HMBOX1: variants seen among roughly 807,000 people sequenced by gnomAD.
The protein encoded by HMBOX1 is homeobox-containing protein 1.
In HMBOX1, 14 loss-of-function variants were observed where a neutral mutation model predicts 54.5. The ratio of observed to expected loss-of-function variants is 0.26; its 90% CI spans 0.17 to 0.40. HMBOX1 has a LOEUF of 0.40. Ranked by LOEUF, HMBOX1 falls within the 10% of genes least tolerant of loss-of-function variation. HMBOX1 has a pLI of 1.00. For missense variants in HMBOX1, 332 were observed against 514.4 expected, an observed-to-expected ratio of 0.65 and a Z score of 3.43; for synonymous variants, 160 against 181.0, an observed-to-expected ratio of 0.88 and a Z score of 0.93.
intron 4 of HMBOX1, among the ~76,000 whole-genome samples, chr8:28,993,692 T>C (rs1242206845): frequency 1.3e-5 from 2 of 152,164 alleles, no homozygotes; most frequent in African/African-American, 4.8e-5. Context: ...AAAACAAATA[T>C]TATGTCACAG....
intron 7 of HMBOX1, among the ~76,000 whole-genome samples, chr8:29,045,850 G>C (rs901772467): frequency 6.6e-6 from 1 of 152,110 alleles, no homozygotes; most frequent in Admixed American, 6.6e-5. Context: ...ATTGTAAAAT[G>C]CTATATTTCT....
chr8:29,000,064 A>G (rs188145430), intron 4 of HMBOX1, among the ~76,000 whole-genome samples: 1 of 152,254 alleles, frequency 6.6e-6, no homozygotes, highest in East Asian at 1.9e-4. Flanking sequence ...ATGTTTGTTT[A>G]ATGAATTTCC....
At chr8:28,959,811 C>T (rs1210944972) in intron 1 of HMBOX1, among the ~76,000 whole-genome samples, 1 of 151,980 alleles carries the variant, frequency 6.6e-6, no homozygotes, top group South Asian at 2.1e-4. Context: ...TTCTTAATTA[C>T]CTTTATTTTA....
At chr8:29,031,346 C>A (rs1048050919) in intron 6 of HMBOX1, among the ~76,000 whole-genome samples, 1 of 151,900 alleles carries the variant, frequency 6.6e-6, no homozygotes, top group African/African-American at 2.4e-5. Context: ...AGTAGAATAT[C>A]ATTGTAAGAT....
intron 3 of HMBOX1, among the ~76,000 whole-genome samples, chr8:28,977,187 T>C (rs1442085782): frequency 6.6e-6 from 1 of 152,140 alleles, no homozygotes; most frequent in Non-Finnish European, 1.5e-5. Flanking sequence ...AATAATTGAG[T>C]GTTATCTCTT....
At chr8:29,047,565 T>TC in intron 8 of HMBOX1, 112 bp downstream of exon 8, 2 of 84,562 alleles carry the variant, frequency 2.4e-5, no homozygotes, top group East Asian at 1.8e-4. Flanking sequence ...CTAACTTCTC[T>TC]TTTTTTTTTT....
At chr8:28,994,098 T>C (rs1831406007) in intron 4 of HMBOX1, among the ~76,000 whole-genome samples, 1 of 144,366 alleles carries the variant, frequency 6.9e-6, no homozygotes, top group African/African-American at 2.6e-5. Context: ...ACTCAGGAGG[T>C]GGAGGCTGCA....
At position 29,051,451 on chromosome 8, in the gene HMBOX1, A is replaced by G. The variant is rs1198761108; in HGVS notation, c.*296A>G. 4 of 687,384 alleles carry G rather than the reference A, an allele frequency of 5.8e-6. No individual in the cohort carries two copies. Among genetic ancestry groups the G allele is most frequent in the Admixed American group, 2.0e-5 (1 of 49,624 alleles). 42.6% of individuals were successfully genotyped at this position (687,384 alleles called of 1,614,324 possible). ...GCATTCCAAGAAAGTGCTTCCAGGT[A>G]TTTAGATAGCCCTCAGTTCTCAAAT... On this transcript the variant is annotated 3_prime_UTR_variant, in exon 10 of 10. Coordinates refer to ENST00000287701, the MANE Select transcript of HMBOX1 (RefSeq NM_001135726.3).
At chr8:28,913,159 G>T (rs762513525) in intron 1 of HMBOX1, among the ~76,000 whole-genome samples, 3 of 152,080 alleles carry the variant, frequency 2.0e-5, no homozygotes, top group Non-Finnish European at 4.4e-5. Context: ...CCTAGTGCTG[G>T]TCTTGCCCTC....
At chr8:28,906,793 A>G (rs1170523692) in intron 1 of HMBOX1, among the ~76,000 whole-genome samples, 8 of 152,130 alleles carry the variant, frequency 5.3e-5, no homozygotes, top group African/African-American at 1.7e-4. Context: ...GTTTCACCAT[A>G]TTGAACCAGG....
intron 6 of HMBOX1, among the ~76,000 whole-genome samples, chr8:29,030,184 T>G (rs548059178): frequency 2.6e-5 from 4 of 151,866 alleles, no homozygotes; most frequent in Admixed American, 6.6e-5. Flanking sequence ...TTCCAGTTTT[T>G]TTTTTTTTTT....
Position 29,018,922 on chromosome 8 carries a change from C to T in HMBOX1, c.851+9C>T, listed in dbSNP as rs1193562968. 1.2e-6 allele frequency: 2 copies of T among 1,613,386 alleles called. No homozygotes were observed. Among genetic ancestry groups the T allele is most frequent in the Non-Finnish European group, 1.7e-6 (2 of 1,179,550 alleles). Reference sequence around the variant, plus strand: ...CTGGCTGTTATGGAAAGGTATGTGTCTCCTTTTTCTACGAATGATCTCCCA... The same window carrying T: ...CTGGCTGTTATGGAAAGGTATGTGTTTCCTTTTTCTACGAATGATCTCCCA... On this transcript the variant is annotated intron_variant, in intron 6 of 9. Coordinates refer to ENST00000287701, the MANE Select transcript of HMBOX1 (RefSeq NM_001135726.3).
intron 3 of HMBOX1, among the ~76,000 whole-genome samples, chr8:28,979,289 A>G (rs773256152): frequency 2.6e-5 from 4 of 152,226 alleles, no homozygotes; most frequent in Non-Finnish European, 5.9e-5. Flanking sequence ...CTTGCCACTC[A>G]TTGTCATTTT....
At chr8:28,905,660 G>A (rs528465363) in intron 1 of HMBOX1, among the ~76,000 whole-genome samples, 3 of 152,312 alleles carry the variant, frequency 2.0e-5, no homozygotes, top group African/African-American at 7.2e-5. Flanking sequence ...TTCATGAAAT[G>A]TACTTAATCA....
chr8:28,911,428 T>C (rs573733413), intron 1 of HMBOX1, among the ~76,000 whole-genome samples: 1 of 152,326 alleles, frequency 6.6e-6, no homozygotes. Flanking sequence ...CGATATCAGC[T>C]CACTGCAACC....
At chr8:28,997,220 T>C (rs1394389996) in intron 4 of HMBOX1, among the ~76,000 whole-genome samples, 1 of 152,214 alleles carries the variant, frequency 6.6e-6, no homozygotes. Context: ...CCCCGTTACG[T>C]ATGATGTCAG....
chr8:28,945,944 CT>C lies in HMBOX1; in HGVS notation c.-57-17849del, dbSNP rs58698981. On this transcript the variant is annotated intron_variant, in intron 1 of 9. Transcript: ENST00000287701. Reference sequence around the variant, plus strand: ...CATCATCAAATCCATAGGGCATATTCTTTTTTTTTTTTTTTTTTCCTTTATT... The same window carrying C: ...CATCATCAAATCCATAGGGCATATTCTTTTTTTTTTTTTTTTTCCTTTATT... 5.6e-3 allele frequency among the ~76,000 whole-genome samples: 722 copies of C among 129,202 alleles called. 4 individuals carry two copies. Among genetic ancestry groups the C allele is most frequent in the African/African-American group, 0.013 (454 of 35,318 alleles). 84.8% of individuals were successfully genotyped at this position (129,202 alleles called of 152,430 possible).
intron 1 of HMBOX1, among the ~76,000 whole-genome samples, chr8:28,927,112 G>A (rs1304523970): frequency 6.6e-6 from 1 of 152,090 alleles, no homozygotes. Flanking sequence ...TAACTTATTT[G>A]TACATTTTAA....
rs1563501658 is a variant in HMBOX1 at position 28,973,811 on chromosome 8, T to TTTTTG, written c.500+3296_500+3297insGTTTT. Among the ~76,000 whole-genome samples the TTTTTG allele has an allele frequency of 7.7e-3, 167 of 21,828 alleles. 3 individuals carry two copies. The highest frequency in any genetic ancestry group is 0.012 in the Non-Finnish European group (119 of 9,624). 14.3% of individuals were successfully genotyped at this position (21,828 alleles called of 152,430 possible). Reference sequence around the variant, plus strand: ...TCGAGATACATAATGGAGTTTTTTTTTTTTTTTTTTTTTTTTTTTTTTTGA... The same window carrying TTTTTG: ...TCGAGATACATAATGGAGTTTTTTTTTTTTGTTTTTTTTTTTTTTTTTTTTTTTGA... On this transcript the variant is annotated intron_variant, in intron 3 of 9. Transcript: ENST00000287701.
Sources: gnomAD v4.1 joint callset for allele counts (sites outside exome capture counted in the v4.1 genomes callset) on GRCh38, gnomAD v4.1.1 for gene constraint, MANE v1.5 for transcripts, NCBI Gene and HGNC (gene_info 2026-07-23, HGNC 2026-07-21) for gene names.